The following INO80D variants were observed in gnomAD, a reference collection of about 807,000 sequenced individuals.
INO80D encodes the protein INO80 complex subunit D.
INO80D carries 21 observed loss-of-function variants against 87.6 expected under a neutral mutation model. The observed-to-expected ratio is 0.24, with a 90% CI of 0.17 to 0.35. INO80D has a LOEUF of 0.35. Ranked by LOEUF, INO80D falls within the 10% of genes least tolerant of loss-of-function variation. The pLI, the probability that INO80D is intolerant of heterozygous loss-of-function variation, is 1.00. For synonymous variants in INO80D, 440 were observed against 491.0 expected (o/e 0.90, Z 1.37); for missense variants, 982 against 1,280.7 (o/e 0.77, Z 3.56).
chr2:206,081,798 T>C (rs933398293), intron 1 of INO80D, among the ~76,000 whole-genome samples: 2 of 142,240 alleles, frequency 1.4e-5, no homozygotes, highest in Non-Finnish European at 3.2e-5. Context: ...GAAAGAAAAG[T>C]AAAGTGGGCT....
At chr2:206,031,128 C>A (rs1688754847) in intron 5 of INO80D, among the ~76,000 whole-genome samples, 1 of 151,936 alleles carries the variant, frequency 6.6e-6, no homozygotes, top group African/African-American at 2.4e-5. Context: ...GTGGTGCATC[C>A]CTGTAGTCCC....
chr2:206,063,364 C>A lies in INO80D; in HGVS notation c.-123-120G>T, dbSNP rs1689735641. ...CAATGGATTCTTCACTGTAAATCAACATCCCAATAACGAGGTTAAATAAGA... is the reference window on the plus strand; with the variant it reads ...CAATGGATTCTTCACTGTAAATCAAAATCCCAATAACGAGGTTAAATAAGA... On this transcript the variant is annotated intron_variant, in intron 1 of 10. Transcript: ENST00000403263. 3 of 411,318 alleles carry A rather than the reference C, an allele frequency of 7.3e-6. No individual in the cohort carries two copies. In the South Asian group the frequency reaches 1.5e-4, roughly 21 times the overall value. 25.5% of individuals were successfully genotyped at this position (411,318 alleles called of 1,614,324 possible).
At chr2:206,070,040 G>C (rs1182495993) in intron 1 of INO80D, among the ~76,000 whole-genome samples, 1 of 152,152 alleles carries the variant, frequency 6.6e-6, no homozygotes, top group African/African-American at 2.4e-5. Flanking sequence ...TTGGGAGGCT[G>C]AGGCGTGTAG....
chr2:206,017,635 G>A (rs758030460), intron 8 of INO80D, 45 bp downstream of exon 8: 18 of 1,468,814 alleles, frequency 1.2e-5, no homozygotes, highest in Non-Finnish European at 1.5e-5. Flanking sequence ...ACTTCCTACA[G>A]TGGATAGCTA....
At chr2:206,055,666 A>G (rs780075226) in intron 4 of INO80D, among the ~76,000 whole-genome samples, 12 of 152,222 alleles carry the variant, frequency 7.9e-5, no homozygotes, top group Non-Finnish European at 1.5e-4. Flanking sequence ...TCTGTATCCT[A>G]TTCAGCAAGT....
chr2:206,029,746 C>T (rs1196004883), intron 5 of INO80D, among the ~76,000 whole-genome samples: 4 of 152,208 alleles, frequency 2.6e-5, no homozygotes, highest in Admixed American at 1.3e-4. Context: ...CAACATTCAA[C>T]ATTCACTGTG....
At chr2:206,012,555 T>C (rs1278171556) in intron 8 of INO80D, among the ~76,000 whole-genome samples, 1 of 152,028 alleles carries the variant, frequency 6.6e-6, no homozygotes, top group Non-Finnish European at 1.5e-5. Flanking sequence ...TAAAATGTGT[T>C]TGGATTCAGA....
Position 206,062,137 on chromosome 2 carries a change from C to T in INO80D, c.218+662G>A, listed in dbSNP as rs558258788. 9.2e-5 allele frequency among the ~76,000 whole-genome samples: 14 copies of T among 152,212 alleles called. No homozygotes were observed. In the South Asian group the frequency reaches 1.9e-3, roughly 20 times the overall value. On this transcript the variant is annotated intron_variant, in intron 3 of 10. Transcript: ENST00000403263. The surrounding 1 kb of genome is among the most constrained non-coding windows in gnomAD (Gnocchi z 4.6). ...AAACTCATCATTCTAGTGGCAAAAC[C>T]GACCCTTAATGTGAAAATAGTGTTT...
At position 206,018,411 on chromosome 2, in the gene INO80D, G is replaced by A. The variant is rs573836900; in HGVS notation, c.1409-598C>T. 5.3e-5 allele frequency among the ~76,000 whole-genome samples: 8 copies of A among 152,176 alleles called. No homozygotes were observed. In the East Asian group the frequency reaches 5.8e-4, roughly 11 times the overall value. On this transcript the variant is annotated intron_variant, in intron 7 of 10. Transcript: ENST00000403263. ...TCTAGCCGCCTCAGCCTCCCAAAGC[G>A]TTGAGATTATAGGCATAAGCCACTG...
intron 4 of INO80D, among the ~76,000 whole-genome samples, chr2:206,052,327 G>A (rs1467295052): frequency 1.3e-5 from 2 of 152,072 alleles, no homozygotes; most frequent in African/African-American, 2.4e-5. Context: ...CCAAGTTGCT[G>A]GGATTACAGG....
At chr2:206,020,692 G>T (rs917742325) in intron 6 of INO80D, among the ~76,000 whole-genome samples, 1 of 151,834 alleles carries the variant, frequency 6.6e-6, no homozygotes, top group East Asian at 1.9e-4. Flanking sequence ...CATTCACATG[G>T]ATCCATAAAA....
At chr2:206,008,863 A>G (rs1461683786) in intron 9 of INO80D, among the ~76,000 whole-genome samples, 1 of 152,242 alleles carries the variant, frequency 6.6e-6, no homozygotes, top group Non-Finnish European at 1.5e-5. Flanking sequence ...AATTTTAGAA[A>G]TGAAATTAAC....
At chr2:206,026,973 T>A (rs2105831417) in intron 6 of INO80D, among the ~76,000 whole-genome samples, 1 of 152,330 alleles carries the variant, frequency 6.6e-6, no homozygotes, top group African/African-American at 2.4e-5. Flanking sequence ...ATTATTGTCA[T>A]GAGAATGTCA....
rs116609090 is a variant in INO80D at position 206,032,890 on chromosome 2, A to G, written c.1074-4555T>C. Among the ~76,000 whole-genome samples the G allele has an allele frequency of 4.6e-3, 695 of 152,276 alleles. 5 individuals are homozygous for G. The highest frequency in any genetic ancestry group is 8.0e-3 in the Non-Finnish European group (547 of 68,030). Reference sequence around the variant, plus strand: ...CTTTTTAAAGCATAAATTATACAGGACCTATAAAACAAAAATACAAGTTAG... The same window carrying G: ...CTTTTTAAAGCATAAATTATACAGGGCCTATAAAACAAAAATACAAGTTAG... On this transcript the variant is annotated intron_variant, in intron 5 of 10. Transcript: ENST00000403263.
At chr2:206,028,884 GTTTTTTTGTTTTT>G (rs1398566980) in intron 5 of INO80D, among the ~76,000 whole-genome samples, 1 of 149,580 alleles carries the variant, frequency 6.7e-6, no homozygotes, top group Admixed American at 6.7e-5. Flanking sequence ...TTTTTGTTTT[GTTTTTTTGTTTTT>G]TTTTTTTGGA....
Position 206,004,446 on chromosome 2 carries a change from A to G in INO80D, c.3006T>C (p.Pro1002=). 6.2e-7 allele frequency: 1 copy of G among 1,605,990 alleles called. No individual in the cohort carries two copies. Among genetic ancestry groups the G allele is most frequent in the Non-Finnish European group, 8.5e-7 (1 of 1,176,272 alleles). The change falls in exon 11 of 11, where the codon CCT becomes CCC. Residue 1002 remains proline (P), a synonymous_variant. Transcript: ENST00000403263. The surrounding 1 kb of genome is among the most constrained non-coding windows in gnomAD (Gnocchi z 4.9). ...CACCTGTTACTGTGAAGCCTGTAGGAGGGGCTATAGAGCTGTGGCTGGGCT... is the reference window on the plus strand; with the variant it reads ...CACCTGTTACTGTGAAGCCTGTAGGGGGGGCTATAGAGCTGTGGCTGGGCT... ...DLQPSHSSIA[P]PTGFTVTGAT...
chr2:206,084,550 T>G (rs1216074865), intron 1 of INO80D: 2 of 152,194 alleles, frequency 1.3e-5, no homozygotes, highest in African/African-American at 4.8e-5. Context: ...GTCTCCCCCT[T>G]GGGATCTGTT....
At chr2:206,010,062 T>TACACACACACACACACAC in intron 8 of INO80D, among the ~76,000 whole-genome samples, 1 of 149,080 alleles carries the variant, frequency 6.7e-6, no homozygotes, top group South Asian at 2.1e-4. Flanking sequence ...TGACACTGTC[T>TACACACACACACACACAC]ACACACACAC....
chr2:206,053,911 C>T (rs868684796), intron 4 of INO80D, among the ~76,000 whole-genome samples: 13 of 151,850 alleles, frequency 8.6e-5, no homozygotes, highest in Middle Eastern at 3.2e-3. Context: ...ACAATCTCCG[C>T]TCACTGCAAC....
Sources: allele counts gnomAD v4.1 joint callset (sites outside exome capture counted in the v4.1 genomes callset), GRCh38; gene constraint gnomAD v4.1.1; non-coding constraint Gnocchi (gnomAD v3.1); transcripts MANE v1.5; gene names NCBI Gene and HGNC (gene_info 2026-07-23, HGNC 2026-07-21).